The following GALNTL6 variants were observed in gnomAD, a reference collection of about 807,000 sequenced individuals.
GALNTL6 encodes polypeptide N-acetylgalactosaminyltransferase-like 6.
In GALNTL6, 46 loss-of-function variants were observed where a neutral mutation model predicts 73.7. That is an observed-to-expected ratio of 0.62 (90% confidence interval 0.49 to 0.80). The LOEUF is 0.80. Ranked by LOEUF, GALNTL6 falls within the 30% of genes least tolerant of loss-of-function variation. The probability of loss-of-function intolerance (pLI) is 0.00; values close to 1 mark genes in which losing one functional copy is unlikely to be tolerated. For synonymous variants in GALNTL6, 259 were observed against 263.7 expected (o/e 0.98, Z 0.17); for missense variants, 604 against 755.0 (o/e 0.80, Z 2.34).
chr4:171,870,614 A>C (rs2110894021), intron 2 of GALNTL6, among the ~76,000 whole-genome samples: 1 of 152,300 alleles, frequency 6.6e-6, no homozygotes, highest in African/African-American at 2.4e-5. Flanking sequence ...TTGAATTCCT[A>C]ACCCTGGTGC....
intron 3 of GALNTL6, among the ~76,000 whole-genome samples, chr4:172,304,078 GTT>G (rs5864127): frequency 2.6e-5 from 4 of 151,984 alleles, no homozygotes; most frequent in Non-Finnish European, 2.9e-5. Flanking sequence ...AATATTCTGG[GTT>G]TTTTTTCTCT....
intron 5 of GALNTL6, among the ~76,000 whole-genome samples, chr4:172,782,547 A>G (rs944780061): frequency 6.6e-6 from 1 of 152,114 alleles, no homozygotes; most frequent in Non-Finnish European, 1.5e-5. Flanking sequence ...TACCCTGTAA[A>G]CATAGGCACT....
chr4:173,011,554 T>A (rs1026599469), intron 11 of GALNTL6, among the ~76,000 whole-genome samples: 3 of 152,098 alleles, frequency 2.0e-5, no homozygotes, highest in African/African-American at 7.2e-5. Context: ...ATGGGGTCAA[T>A]CTACTCTCCA....
At chr4:172,380,270 G>A in intron 5 of GALNTL6, 2 of 814,458 alleles carry the variant, frequency 2.5e-6, no homozygotes, top group South Asian at 2.7e-5. Context: ...ACAAATTTTG[G>A]TCATAAAACG....
At chr4:171,977,816 T>G (rs1049117349) in intron 2 of GALNTL6, among the ~76,000 whole-genome samples, 4 of 152,234 alleles carry the variant, frequency 2.6e-5, no homozygotes, top group East Asian at 1.9e-4. Flanking sequence ...GCTTGGTTAT[T>G]GAATAATTGC....
chr4:172,574,155 A>T lies in GALNTL6; in HGVS notation c.553+225466A>T, dbSNP rs569578320. The stretch of plus-strand genomic sequence containing the variant: ...CCTGTTCTGGTGATCTCAGATTGTA[A>T]CTATTGCTTAAGAATAGGTTTGTAA... On this transcript the variant is annotated intron_variant, in intron 5 of 12. Transcript: ENST00000506823. 7.9e-5 allele frequency among the ~76,000 whole-genome samples: 12 copies of T among 152,302 alleles called. No individual in the cohort carries two copies. The East Asian group carries it at 2.3e-3, about 29-fold the overall frequency.
intron 2 of GALNTL6, among the ~76,000 whole-genome samples, chr4:171,837,813 A>AT (rs1735136427): frequency 6.6e-6 from 1 of 150,484 alleles, no homozygotes; most frequent in Non-Finnish European, 1.5e-5. Flanking sequence ...TATGCAGCAC[A>AT]TTTCCCATCT....
chr4:172,023,468 C>T (rs1257302201), intron 2 of GALNTL6, among the ~76,000 whole-genome samples: 2 of 151,872 alleles, frequency 1.3e-5, no homozygotes, highest in African/African-American at 4.8e-5. Flanking sequence ...ACTAAAATAT[C>T]AAACTGAGTT....
intron 10 of GALNTL6, among the ~76,000 whole-genome samples, chr4:173,008,460 T>C (rs775199278): frequency 1.3e-5 from 2 of 152,222 alleles, no homozygotes; most frequent in Middle Eastern, 3.4e-3. Flanking sequence ...GCATGTCGAG[T>C]AGACCATGTT....
chr4:171,883,569 C>CT (rs1040956344), intron 2 of GALNTL6, among the ~76,000 whole-genome samples: 9 of 151,206 alleles, frequency 6.0e-5, no homozygotes, highest in African/African-American at 1.7e-4. Context: ...GACGTCAGTT[C>CT]TTTTTTTTCT....
chr4:171,991,769 CAT>C (rs571725004), intron 2 of GALNTL6, among the ~76,000 whole-genome samples: 2 of 135,194 alleles, frequency 1.5e-5, no homozygotes, highest in African/African-American at 2.7e-5. Context: ...CATATATATA[CAT>C]ATATATATGA....
intron 2 of GALNTL6, among the ~76,000 whole-genome samples, chr4:172,215,016 A>G (rs1159464004): frequency 6.6e-6 from 1 of 151,816 alleles, no homozygotes; most frequent in African/African-American, 2.4e-5. Context: ...GTATTTATGG[A>G]CTCATGTACA....
At chr4:172,929,978 A>G (rs1256690666) in intron 8 of GALNTL6, among the ~76,000 whole-genome samples, 1 of 152,154 alleles carries the variant, frequency 6.6e-6, no homozygotes, top group Non-Finnish European at 1.5e-5. Context: ...TACTAAATAT[A>G]AAAGTACAGC....
Position 172,769,713 on chromosome 4 carries a change from T to C in GALNTL6, c.554-39648T>C, listed in dbSNP as rs1304542925. Reference sequence around the variant, plus strand: ...ATTTATCTTATCCTTGATATGATGCTGACTTAATTCCCAAATAGAGAGAAA... The same window carrying C: ...ATTTATCTTATCCTTGATATGATGCCGACTTAATTCCCAAATAGAGAGAAA... On this transcript the variant is annotated intron_variant, in intron 5 of 12. Transcript: ENST00000506823. Among the ~76,000 whole-genome samples, 7 of 152,226 alleles carry C rather than the reference T, an allele frequency of 4.6e-5. No homozygotes were observed. The South Asian group carries it at 6.2e-4, about 14-fold the overall frequency.
intron 2 of GALNTL6, among the ~76,000 whole-genome samples, chr4:171,851,421 C>A (rs193110793): frequency 2.6e-5 from 4 of 152,108 alleles, no homozygotes; most frequent in Non-Finnish European, 5.9e-5. Flanking sequence ...GTAGAAGAAC[C>A]CTCATCAGTC....
At chr4:172,178,335 A>G (rs1251622888) in intron 2 of GALNTL6, among the ~76,000 whole-genome samples, 1 of 152,174 alleles carries the variant, frequency 6.6e-6, no homozygotes, top group African/African-American at 2.4e-5. Context: ...TGTGCAGAAC[A>G]TGCAAGTATG....
Position 172,507,736 on chromosome 4 carries a change from AATTT to A in GALNTL6, c.553+159049_553+159052del, listed in dbSNP as rs1374754781. Among the ~76,000 whole-genome samples the A allele has an allele frequency of 3.7e-5, 2 of 54,662 alleles. 1 individual carries two copies. Among genetic ancestry groups the A allele is most frequent in the Non-Finnish European group, 8.4e-5 (2 of 23,774 alleles). The allele number at this position is 54,662 out of a possible 152,430, so 35.9% of individuals were successfully genotyped here. A position where few individuals can be genotyped will look rare whatever the true frequency, so the allele number is the denominator to read the frequency against. The stretch of plus-strand genomic sequence containing the variant: ...GGTGACCTATAAGCCTTCTGACCAA[AATTT>A]AAGTTCCATGGAAGCAGTATCATTG... On this transcript the variant is annotated intron_variant, in intron 5 of 12. Coordinates refer to ENST00000506823, the MANE Select transcript of GALNTL6 (RefSeq NM_001034845.3).
intron 7 of GALNTL6, among the ~76,000 whole-genome samples, chr4:172,855,888 C>T (rs1204129016): frequency 2.6e-5 from 4 of 152,290 alleles, no homozygotes; most frequent in Middle Eastern, 3.4e-3. Context: ...ATGCAGCAAA[C>T]GTCCCACTGT....
intron 8 of GALNTL6, among the ~76,000 whole-genome samples, chr4:172,891,379 T>C (rs1011846923): frequency 6.6e-6 from 1 of 152,176 alleles, no homozygotes; most frequent in African/African-American, 2.4e-5. Context: ...ATTACCTCTC[T>C]GGAAAAGATT....
Sources: gnomAD v4.1 joint callset for allele counts (sites outside exome capture counted in the v4.1 genomes callset) on GRCh38, gnomAD v4.1.1 for gene constraint, MANE v1.5 for transcripts, NCBI Gene and HGNC (gene_info 2026-07-23, HGNC 2026-07-21) for gene names.